The following PCBP3 variants were observed in gnomAD, a reference collection of about 807,000 sequenced individuals.
PCBP3 encodes the protein poly(rC)-binding protein 3.
PCBP3 carries 25 observed loss-of-function variants against 52.7 expected under a neutral mutation model. The observed-to-expected ratio is 0.47, with a 90% CI of 0.35 to 0.66. PCBP3 has a LOEUF of 0.66. Ranked by LOEUF, PCBP3 falls within the 30% of genes least tolerant of loss-of-function variation. The pLI, the probability that PCBP3 is intolerant of heterozygous loss-of-function variation, is 0.01. For missense variants in PCBP3, 391 were observed against 490.3 expected (o/e 0.80, Z 1.91); for synonymous variants, 162 against 183.0 (o/e 0.89, Z 0.93).
At position 45,814,115 on chromosome 21, in the gene PCBP3, C is replaced by T. The variant is rs115385619; in HGVS notation, c.-125-35846C>T. On this transcript the variant is annotated intron_variant, in intron 4 of 17. Coordinates refer to ENST00000681687, the MANE Select transcript of PCBP3 (RefSeq NM_001384156.1). ...GTGCATGACTGTGCTGAATACTGTA[C>T]GCAGTTGTGACACAGTGGCAATTGT... is the stretch of plus-strand genomic sequence containing the variant. Among the ~76,000 whole-genome samples the T allele has an allele frequency of 5.3e-3, 808 of 152,284 alleles. 7 individuals carry two copies. The highest frequency in any genetic ancestry group is 0.018 in the African/African-American group (765 of 41,544).
rs149396126 is a variant in PCBP3 at position 45,657,186 on chromosome 21, A to G, written c.-278-11688A>G. 1.1e-3 allele frequency among the ~76,000 whole-genome samples: 172 copies of G among 151,870 alleles called. 6 individuals carry two copies. The East Asian group carries it at 0.027, about 24-fold the overall frequency. On this transcript the variant is annotated intron_variant, in intron 1 of 17. Coordinates refer to ENST00000681687, the MANE Select transcript of PCBP3 (RefSeq NM_001384156.1). ...TATTTTGGTAATACTGCATTTATCT[A>G]TTTTTTTCTTTTGTTGCTTGTGCTT... is the stretch of plus-strand genomic sequence containing the variant.
chr21:45,929,778 G>A (rs1046229445), intron 13 of PCBP3, 139 bp from the exon 14 acceptor site: 22 of 683,076 alleles, frequency 3.2e-5, no homozygotes, highest in African/African-American at 7.1e-5. Flanking sequence ...AAGTCCTTGC[G>A]TTCTCTTGCA....
chr21:45,669,805 GTA>G (rs773020402), intron 2 of PCBP3, among the ~76,000 whole-genome samples: 302 of 49,646 alleles, frequency 6.1e-3, no homozygotes, highest in African/African-American at 9.9e-3. Context: ...GTGTGTGTGT[GTA>G]TATATATATA....
intron 4 of PCBP3, chr21:45,836,382 T>C (rs1357115477): frequency 6.6e-6 from 1 of 152,062 alleles, no homozygotes; most frequent in Non-Finnish European, 1.5e-5. Context: ...TGGAATGGGG[T>C]TTGGTGCTTG....
chr21:45,840,026 T>C (rs2093666446), intron 4 of PCBP3, among the ~76,000 whole-genome samples: 3 of 152,186 alleles, frequency 2.0e-5, no homozygotes, highest in African/African-American at 7.2e-5. Flanking sequence ...AAAATAAAAG[T>C]ATAACAATTT....
chr21:45,750,586 T>G (rs1171082218), intron 3 of PCBP3: 1 of 152,194 alleles, frequency 6.6e-6, no homozygotes, highest in African/African-American at 2.4e-5. Context: ...GTTCCCCACC[T>G]TCCTTTCTCT....
intron 5 of PCBP3, among the ~76,000 whole-genome samples, chr21:45,863,340 C>T (rs1318535428): frequency 6.6e-6 from 1 of 152,224 alleles, no homozygotes; most frequent in Non-Finnish European, 1.5e-5. Context: ...GCAGCAAAAG[C>T]TCGTGTCTTA....
intron 4 of PCBP3, among the ~76,000 whole-genome samples, chr21:45,808,164 C>G (rs2092570315): frequency 6.6e-6 from 1 of 152,160 alleles, no homozygotes; most frequent in African/African-American, 2.4e-5. Context: ...AAACCAAAAG[C>G]AATGGCAACA....
At chr21:45,914,150 G>A in intron 12 of PCBP3, 125 bp downstream of exon 12, 1 of 1,517,010 alleles carries the variant, frequency 6.6e-7, no homozygotes, top group Non-Finnish European at 8.9e-7. Context: ...ACCCGTGCTG[G>A]AGGCAGAGCT....
chr21:45,905,387 C>T (rs533427510), intron 9 of PCBP3, among the ~76,000 whole-genome samples: 3 of 152,350 alleles, frequency 2.0e-5, no homozygotes, highest in East Asian at 1.9e-4. Context: ...GAGCATCCAC[C>T]GCCATGGGCC....
chr21:45,848,196 C>T (rs967020152), intron 4 of PCBP3: 6 of 152,312 alleles, frequency 3.9e-5, no homozygotes, highest in African/African-American at 1.2e-4. Flanking sequence ...GCCTGACCAT[C>T]GGGACTCAGG....
chr21:45,721,579 A>G (rs986612832), intron 2 of PCBP3, among the ~76,000 whole-genome samples: 1 of 152,132 alleles, frequency 6.6e-6, no homozygotes, highest in African/African-American at 2.4e-5. Context: ...ACTTATTATT[A>G]GGTTCATTTT....
At chr21:45,818,939 T>C (rs77803959) in intron 4 of PCBP3, among the ~76,000 whole-genome samples, 5,827 of 152,296 alleles carry the variant, frequency 0.038, 121 homozygotes, top group Non-Finnish European at 0.049. Flanking sequence ...ATTCCAACTA[T>C]ATGACATTCT....
intron 4 of PCBP3, among the ~76,000 whole-genome samples, chr21:45,820,907 G>A (rs891642102): frequency 6.6e-6 from 1 of 152,116 alleles, no homozygotes; most frequent in African/African-American, 2.4e-5. Flanking sequence ...TCAGGACCCT[G>A]CGGGATACAG....
rs986708972 is a variant in PCBP3 at position 45,817,663 on chromosome 21, C to T, written c.-125-32298C>T. 6.6e-6 allele frequency among the ~76,000 whole-genome samples: 1 copy of T among 152,196 alleles called. No homozygotes were observed. Among genetic ancestry groups the T allele is most frequent in the African/African-American group, 2.4e-5 (1 of 41,442 alleles). On this transcript the variant is annotated intron_variant, in intron 4 of 17. Coordinates refer to ENST00000681687, the MANE Select transcript of PCBP3 (RefSeq NM_001384156.1). The surrounding 1 kb of genome is among the most constrained non-coding windows in gnomAD (Gnocchi z 4.3). ...CGAGGAGCTCAGCGTGTGTCTCCGCCGGGTGAAAGATCACAGTCCTGCACC... is the reference window on the plus strand; with the variant it reads ...CGAGGAGCTCAGCGTGTGTCTCCGCTGGGTGAAAGATCACAGTCCTGCACC...
intron 9 of PCBP3, among the ~76,000 whole-genome samples, chr21:45,902,093 G>A (rs2096071143): frequency 6.6e-6 from 1 of 152,256 alleles, no homozygotes; most frequent in East Asian, 1.9e-4. Context: ...CCTGGGGCCA[G>A]CAGTAGGGCT....
chr21:45,924,864 A>G (rs1375966310), intron 13 of PCBP3, among the ~76,000 whole-genome samples: 15 of 39,126 alleles, frequency 3.8e-4, no homozygotes, highest in African/African-American at 1.6e-3. Context: ...CACACGTAAG[A>G]TCGGGTGTGC....
intron 15 of PCBP3, among the ~76,000 whole-genome samples, chr21:45,934,966 A>C (rs1440365456): frequency 6.6e-6 from 1 of 152,240 alleles, no homozygotes; most frequent in African/African-American, 2.4e-5. Context: ...GAGAGTATAC[A>C]AACATAACAG....
Position 45,922,606 on chromosome 21 carries a change from A to G in PCBP3, c.717+4977A>G, listed in dbSNP as rs2074601368. ...TACAAATCTTTATTTCTAGTCTTCC[A>G]GCTCTCCTAATCACTCCCTTACTTA... On this transcript the variant is annotated intron_variant, in intron 13 of 17. Coordinates refer to ENST00000681687, the MANE Select transcript of PCBP3 (RefSeq NM_001384156.1). Among the ~76,000 whole-genome samples the G allele has an allele frequency of 4.6e-5, 7 of 152,370 alleles. No individual in the cohort carries two copies. The South Asian group carries it at 1.4e-3, about 32-fold the overall frequency.
Sources: gnomAD v4.1 joint callset for allele counts (sites outside exome capture counted in the v4.1 genomes callset) on GRCh38, gnomAD v4.1.1 for gene constraint, Gnocchi (gnomAD v3.1) non-coding constraint, MANE v1.5 for transcripts, NCBI Gene and HGNC (gene_info 2026-07-23, HGNC 2026-07-21) for gene names.